STK10: variants seen among roughly 807,000 people sequenced by gnomAD.
The protein encoded by STK10 is serine/threonine-protein kinase 10.
STK10 carries 78 observed loss-of-function variants against 113.8 expected under a neutral mutation model. That is an observed-to-expected ratio of 0.69 (90% confidence interval 0.57 to 0.83). STK10 has a LOEUF of 0.83. Among genes scored for constraint, STK10 ranks in the 40% least tolerant of loss-of-function variants. The pLI, the probability that STK10 is intolerant of heterozygous loss-of-function variation, is 0.00. For synonymous variants in STK10, 465 were observed against 494.7 expected, an observed-to-expected ratio of 0.94 and a Z score of 0.80; for missense variants, 1,109 against 1,280.1, an observed-to-expected ratio of 0.87 and a Z score of 2.04.
intron 2 of STK10, among the ~76,000 whole-genome samples, chr5:172,141,942 C>G (rs1466452348): frequency 6.6e-6 from 1 of 152,152 alleles, no homozygotes; most frequent in Non-Finnish European, 1.5e-5. Flanking sequence ...GGCCGCAACA[C>G]CTCTAAGGTA....
chr5:172,115,948 G>T (rs559039257), intron 4 of STK10, among the ~76,000 whole-genome samples: 1 of 152,354 alleles, frequency 6.6e-6, no homozygotes, highest in South Asian at 2.1e-4. Context: ...CAAGTCTCCA[G>T]CACATTGGGC....
intron 2 of STK10, among the ~76,000 whole-genome samples, chr5:172,155,797 C>G (rs1280161363): frequency 6.6e-6 from 1 of 151,916 alleles, no homozygotes; most frequent in Non-Finnish European, 1.5e-5. Context: ...GAGTTCGAGA[C>G]CAGCCTGGCC....
intron 14 of STK10, among the ~76,000 whole-genome samples, chr5:172,058,497 T>C (rs940881925): frequency 2.0e-5 from 3 of 152,218 alleles, no homozygotes; most frequent in Admixed American, 6.5e-5. Context: ...CCCTGGGATA[T>C]TGGCCTCGTG....
At chr5:172,108,713 A>T (rs918808021) in intron 4 of STK10, among the ~76,000 whole-genome samples, 7 of 151,740 alleles carry the variant, frequency 4.6e-5, no homozygotes, top group African/African-American at 1.7e-4. Flanking sequence ...TGAACCCAGG[A>T]GGCAGAGGCT....
intron 8 of STK10, among the ~76,000 whole-genome samples, chr5:172,094,273 G>A (rs929237666): frequency 1.3e-5 from 2 of 152,202 alleles, no homozygotes; most frequent in Non-Finnish European, 2.9e-5. Flanking sequence ...GTCAGTGGCC[G>A]CTCCATTCCA....
intron 8 of STK10, among the ~76,000 whole-genome samples, chr5:172,094,630 C>T (rs557444725): frequency 5.0e-4 from 76 of 152,264 alleles, no homozygotes; most frequent in Non-Finnish European, 7.4e-4. Context: ...GTGATCTGCC[C>T]GCCTCGGCCT....
At chr5:172,058,504 C>T (rs1767854409) in intron 14 of STK10, among the ~76,000 whole-genome samples, 1 of 152,168 alleles carries the variant, frequency 6.6e-6, no homozygotes, top group Non-Finnish European at 1.5e-5. Context: ...ATATTGGCCT[C>T]GTGTTGTTTA....
chr5:172,060,727 C>T (rs1292247780), intron 14 of STK10, among the ~76,000 whole-genome samples: 1 of 152,208 alleles, frequency 6.6e-6, no homozygotes, highest in Non-Finnish European at 1.5e-5. Flanking sequence ...GTTTCCTCAT[C>T]TACAGAAATG....
intron 2 of STK10, among the ~76,000 whole-genome samples, chr5:172,138,844 C>T (rs1188230695): frequency 6.6e-6 from 1 of 151,998 alleles, no homozygotes; most frequent in Non-Finnish European, 1.5e-5. Flanking sequence ...AACCCCGTCT[C>T]TACTAAAAAA....
chr5:172,090,024 A>G (rs1299485123), intron 10 of STK10, among the ~76,000 whole-genome samples: 12 of 151,992 alleles, frequency 7.9e-5, no homozygotes, highest in Admixed American at 7.9e-4. Flanking sequence ...TAGATGGGTG[A>G]ATAAATGAAT....
At chr5:172,076,472 C>T (rs1302936487) in intron 12 of STK10, among the ~76,000 whole-genome samples, 1 of 130,210 alleles carries the variant, frequency 7.7e-6, no homozygotes, top group Non-Finnish European at 1.6e-5. Flanking sequence ...GCGTCCTGTG[C>T]GTTAGTTGTG....
intron 1 of STK10, among the ~76,000 whole-genome samples, chr5:172,167,396 G>C (rs898442442): frequency 1.3e-5 from 2 of 152,220 alleles, no homozygotes; most frequent in Non-Finnish European, 2.9e-5. Context: ...TTGTAACTAG[G>C]CTACAATTTT....
intron 7 of STK10, 197 bp downstream of exon 7, chr5:172,105,459 C>T: frequency 1.6e-6 from 1 of 606,576 alleles, no homozygotes. Flanking sequence ...AGGACAAGGT[C>T]TGGGTGGCTT....
At chr5:172,135,777 G>A (rs1769844195) in intron 2 of STK10, among the ~76,000 whole-genome samples, 1 of 152,122 alleles carries the variant, frequency 6.6e-6, no homozygotes, top group Admixed American at 6.5e-5. Flanking sequence ...GTTGGCTCAC[G>A]CCTATAATCC....
At chr5:172,083,144 A>C in intron 10 of STK10, 60 bp from the exon 11 acceptor site, 1 of 1,606,778 alleles carries the variant, frequency 6.2e-7, no homozygotes, top group Non-Finnish European at 8.5e-7. Flanking sequence ...AGATCACAAT[A>C]TTTGCAACTT....
intron 18 of STK10, among the ~76,000 whole-genome samples, chr5:172,048,988 C>G (rs1159383259): frequency 6.6e-6 from 1 of 152,086 alleles, no homozygotes; most frequent in African/African-American, 2.4e-5. Flanking sequence ...CACGGCTGCA[C>G]GCCTCCCTCC....
In STK10 at chr5:172,054,613, G is replaced by A; in HGVS notation, c.2608C>T (p.Leu870=). The change falls in exon 17 of 19, where the codon CTG becomes TTG. Residue 870 remains leucine, a synonymous_variant. Transcript: ENST00000176763. The part of the protein sequence containing the change: ...QKHENQMRDM[L]AQCESNMSEL... ...CTCATGTTGCTCTCACACTGCGCCA[G>A]CATGTCCCGCATCTGGTTCTCGTGT... The A allele has an allele frequency of 6.2e-7, 1 of 1,610,220 alleles. No homozygotes were observed. The highest frequency in any genetic ancestry group is 8.5e-7 in the Non-Finnish European group (1 of 1,179,846).
At chr5:172,078,947 C>CCACACACACA (rs57963957) in intron 12 of STK10, among the ~76,000 whole-genome samples, 15 of 144,730 alleles carry the variant, frequency 1.0e-4, no homozygotes, top group African/African-American at 3.8e-4. Flanking sequence ...TCTTATAAGT[C>CCACACACACA]CACACACACA....
chr5:172,101,678 T>C (rs1309832122), intron 7 of STK10, among the ~76,000 whole-genome samples: 1 of 151,728 alleles, frequency 6.6e-6, no homozygotes, highest in Non-Finnish European at 1.5e-5. Context: ...AAGGAAGAAG[T>C]AGGGCAGGGA....
Sources: allele counts gnomAD v4.1 joint callset (sites outside exome capture counted in the v4.1 genomes callset), GRCh38; gene constraint gnomAD v4.1.1; transcripts MANE v1.5; gene names NCBI Gene and HGNC (gene_info 2026-07-23, HGNC 2026-07-21).